L3MBTL4: variants seen among roughly 807,000 people sequenced by gnomAD.
L3MBTL4 encodes lethal(3)malignant brain tumor-like protein 4.
Under a neutral mutation model 84.5 loss-of-function variants are expected in L3MBTL4, and 70 were observed. That is an observed-to-expected ratio of 0.83 (90% CI 0.68 to 1.01). The LOEUF (loss-of-function observed/expected upper bound fraction) is 1.01. L3MBTL4 is among the 50% of genes least tolerant of loss of function. The pLI is 0.00. For missense variants in L3MBTL4, 715 were observed against 754.8 expected, an observed-to-expected ratio of 0.95 and a Z score of 0.62; for synonymous variants, 274 against 259.8, an observed-to-expected ratio of 1.05 and a Z score of -0.52.
intron 12 of L3MBTL4, among the ~76,000 whole-genome samples, chr18:6,196,435 GCA>G (rs1185993275): frequency 6.6e-6 from 1 of 152,082 alleles, no homozygotes; most frequent in Non-Finnish European, 1.5e-5. Flanking sequence ...GGGATTACAG[GCA>G]TGAGCCACCG....
intron 16 of L3MBTL4, among the ~76,000 whole-genome samples, chr18:6,057,630 G>GA (rs1215434955): frequency 8.6e-5 from 13 of 150,840 alleles, no homozygotes; most frequent in Non-Finnish European, 3.0e-5. Flanking sequence ...AAAATGTGAA[G>GA]AAAAAAATGC....
At chr18:6,192,121 G>A (rs1241122036) in intron 12 of L3MBTL4, among the ~76,000 whole-genome samples, 1 of 152,160 alleles carries the variant, frequency 6.6e-6, no homozygotes, top group African/African-American at 2.4e-5. Context: ...AGGAAACAAC[G>A]AAGAGAATGC....
At chr18:6,227,823 G>A (rs951801760) in intron 10 of L3MBTL4, among the ~76,000 whole-genome samples, 18 of 151,806 alleles carry the variant, frequency 1.2e-4, no homozygotes, top group African/African-American at 4.4e-4. Context: ...GGTGCATGCC[G>A]CCACACCTAG....
At chr18:6,234,325 T>C (rs1024047114) in intron 10 of L3MBTL4, among the ~76,000 whole-genome samples, 1 of 152,190 alleles carries the variant, frequency 6.6e-6, no homozygotes, top group Non-Finnish European at 1.5e-5. Context: ...TGGGATTTAA[T>C]TAAACTAAAG....
At chr18:6,166,954 A>G (rs1435105003) in intron 13 of L3MBTL4, among the ~76,000 whole-genome samples, 3 of 152,174 alleles carry the variant, frequency 2.0e-5, no homozygotes, top group Non-Finnish European at 4.4e-5. Flanking sequence ...AAGAAAAGAG[A>G]GAAGAATCAA....
intron 1 of L3MBTL4, among the ~76,000 whole-genome samples, chr18:6,341,666 T>C (rs1487565563): frequency 6.6e-6 from 1 of 151,784 alleles, no homozygotes; most frequent in Non-Finnish European, 1.5e-5. Context: ...AACATAGAAA[T>C]TATAGGAGTC....
chr18:5,955,469 C>G lies in L3MBTL4; in HGVS notation c.*751G>C, dbSNP rs973129437. 2 of 152,262 alleles carry G rather than the reference C, an allele frequency of 1.3e-5. No homozygotes were observed. Among genetic ancestry groups the G allele is most frequent in the African/African-American group, 4.8e-5 (2 of 41,444 alleles). The allele number at this position is 152,262 out of a possible 1,614,324, so 9.4% of individuals were successfully genotyped here. A position where few individuals can be genotyped will look rare whatever the true frequency, so the allele number is the denominator to read the frequency against. ...CCCAGCAGCCACACCAGTGTTAGGA[C>G]AGGGTCCCCTGAGGCCCCGCTGATG... is the stretch of plus-strand genomic sequence containing the variant. On this transcript the variant is annotated 3_prime_UTR_variant, in exon 19 of 19. Transcript: ENST00000317931.
rs567055839 is a variant in L3MBTL4, at chr18:6,353,673, A to T, written c.-90-41617T>A. ...GAACAATCTGAAAGAGAATTTTTTT[A>T]AAATCCCTTTTACAATAGGTAGAAA... On this transcript the variant is annotated intron_variant, in intron 1 of 18. Transcript: ENST00000317931. Among the ~76,000 whole-genome samples the T allele has an allele frequency of 1.4e-4, 21 of 152,242 alleles. No individual in the cohort carries two copies. In the East Asian group the frequency reaches 2.7e-3, roughly 20 times the overall value.
chr18:6,026,735 G>C (rs1276370045), intron 16 of L3MBTL4, among the ~76,000 whole-genome samples: 1 of 152,100 alleles, frequency 6.6e-6, no homozygotes, highest in African/African-American at 2.4e-5. Context: ...ACAAACATAA[G>C]GGGTTGAATA....
intron 15 of L3MBTL4, among the ~76,000 whole-genome samples, chr18:6,086,659 T>C (rs1568094551): frequency 6.6e-6 from 1 of 152,152 alleles, no homozygotes; most frequent in African/African-American, 2.4e-5. Context: ...GAACCTTTTT[T>C]CCCTTAGTGG....
At chr18:6,161,554 A>G (rs1479701410) in intron 13 of L3MBTL4, among the ~76,000 whole-genome samples, 1 of 152,214 alleles carries the variant, frequency 6.6e-6, no homozygotes, top group African/African-American at 2.4e-5. Context: ...GAAAAATAGA[A>G]ACAAACTAAA....
intron 13 of L3MBTL4, among the ~76,000 whole-genome samples, chr18:6,160,896 G>C (rs904095151): frequency 7.2e-5 from 11 of 152,118 alleles, no homozygotes; most frequent in Non-Finnish European, 1.3e-4. Context: ...TAATCTGTGT[G>C]TGAATAATTA....
At chr18:6,038,557 G>A (rs1350288286) in intron 16 of L3MBTL4, among the ~76,000 whole-genome samples, 2 of 152,044 alleles carry the variant, frequency 1.3e-5, no homozygotes, top group African/African-American at 2.4e-5. Context: ...CCTGGCCTCT[G>A]GATCATTTTT....
intron 14 of L3MBTL4, among the ~76,000 whole-genome samples, chr18:6,120,846 G>A (rs1455522279): frequency 6.6e-6 from 1 of 152,096 alleles, no homozygotes; most frequent in Non-Finnish European, 1.5e-5. Flanking sequence ...GTGTGAACAG[G>A]ACACAATTTA....
At chr18:6,295,344 C>CTATATATA (rs1491551062) in intron 4 of L3MBTL4, among the ~76,000 whole-genome samples, 22 of 105,354 alleles carry the variant, frequency 2.1e-4, no homozygotes, top group East Asian at 1.3e-3. Context: ...CTCTCTCTCT[C>CTATATATA]TCTATATATA....
chr18:6,035,655 C>T (rs1217313176), intron 16 of L3MBTL4, among the ~76,000 whole-genome samples: 1 of 152,060 alleles, frequency 6.6e-6, no homozygotes, highest in Non-Finnish European at 1.5e-5. Context: ...TCCATATGAA[C>T]TTTAAAGTAG....
chr18:6,388,528 T>C (rs73938411), intron 1 of L3MBTL4, among the ~76,000 whole-genome samples: 1,566 of 152,156 alleles, frequency 0.01, 25 homozygotes, highest in African/African-American at 0.035. Context: ...GTGAGAAAAG[T>C]GAGTTCCAGT....
intron 16 of L3MBTL4, among the ~76,000 whole-genome samples, chr18:5,970,258 G>A (rs2052573924): frequency 6.6e-6 from 1 of 152,222 alleles, no homozygotes; most frequent in Non-Finnish European, 1.5e-5. Flanking sequence ...GCTCTTTTCT[G>A]AGCAGCTCTG....
intron 1 of L3MBTL4, among the ~76,000 whole-genome samples, chr18:6,315,729 G>T (rs1400837593): frequency 1.3e-5 from 2 of 152,292 alleles, no homozygotes; most frequent in East Asian, 3.9e-4. Context: ...ATTTAAGTCA[G>T]AAACTGACAC....
Sources: gnomAD v4.1 joint callset for allele counts (sites outside exome capture counted in the v4.1 genomes callset) on GRCh38, gnomAD v4.1.1 for gene constraint, MANE v1.5 for transcripts, NCBI Gene and HGNC (gene_info 2026-07-23, HGNC 2026-07-21) for gene names.